The following ZNF365 variants were observed in gnomAD, a reference collection of about 807,000 sequenced individuals.
The protein encoded by ZNF365 is protein ZNF365.
Under a neutral mutation model 35.0 loss-of-function variants are expected in ZNF365, and 22 were observed. That is an observed-to-expected ratio of 0.63 (90% CI 0.45 to 0.90). ZNF365 has a LOEUF of 0.90. Ranked by LOEUF, ZNF365 falls within the 40% of genes least tolerant of loss-of-function variation. The pLI, the probability that ZNF365 is intolerant of heterozygous loss-of-function variation, is 0.00. For missense variants in ZNF365, 448 were observed against 500.3 expected (o/e 0.90, Z 1.00); for synonymous variants, 188 against 196.2 (o/e 0.96, Z 0.35).
At chr10:62,468,662 G>T (rs1414417205) in intron 4 of ZNF365, among the ~76,000 whole-genome samples, 1 of 152,198 alleles carries the variant, frequency 6.6e-6, no homozygotes, top group Non-Finnish European at 1.5e-5. Context: ...TAAGAAGGAT[G>T]AGATGATGTT....
chr10:62,442,372 T>C (rs970455841), intron 3 of ZNF365, among the ~76,000 whole-genome samples: 2 of 152,184 alleles, frequency 1.3e-5, no homozygotes, highest in Non-Finnish European at 2.9e-5. Flanking sequence ...TTCCATACAT[T>C]GACTCACAAC....
Position 62,399,880 on chromosome 10 carries a change from A to G in ZNF365, c.*91A>G. On this transcript the variant is annotated 3_prime_UTR_variant, in exon 5 of 5. Coordinates refer to ENST00000395254, the MANE Select transcript of ZNF365 (RefSeq NM_014951.3). ...TAATGTCTTTCTGGAAACATTCCAT[A>G]GTAAGACACATTGGAAAAGCCAAGG... is the stretch of plus-strand genomic sequence containing the variant. 6 of 1,466,624 alleles carry G rather than the reference A, an allele frequency of 4.1e-6. No individual in the cohort carries two copies. The highest frequency in any genetic ancestry group is 4.5e-6 in the Non-Finnish European group (5 of 1,108,244). The allele number at this position is 1,466,624 out of a possible 1,614,324, so 90.9% of individuals were successfully genotyped here. A position where few individuals can be genotyped will look rare whatever the true frequency, so the allele number is the denominator to read the frequency against.
rs115320849 is a variant in ZNF365 at position 62,379,319 on chromosome 10, C to T, written c.743+2383C>T. Among the ~76,000 whole-genome samples, 512 of 152,112 alleles carry T rather than the reference C, an allele frequency of 3.4e-3. 5 individuals carry two copies. The highest frequency in any genetic ancestry group is 0.012 in the African/African-American group (483 of 41,474). On this transcript the variant is annotated intron_variant, in intron 2 of 4. Transcript: ENST00000395254. ...GATTATAGTTGTAAGCCACGGTACC[C>T]AGCCACAAGGTGATTTTTGTATGTC... is the stretch of plus-strand genomic sequence containing the variant.
chr10:62,452,055 G>T (rs901160929), intron 3 of ZNF365, among the ~76,000 whole-genome samples: 1 of 152,236 alleles, frequency 6.6e-6, no homozygotes, highest in East Asian at 1.9e-4. Context: ...GAATTTCGGG[G>T]AAGTTGTGAT....
rs935650989 is a variant in ZNF365, at chr10:62,449,854, C to A, written c.925-9887C>A. 5.4e-5 allele frequency among the ~76,000 whole-genome samples: 8 copies of A among 148,810 alleles called. No homozygotes were observed. In the South Asian group the frequency reaches 1.5e-3, roughly 27 times the overall value. ...TGTAGAACATTTGAACTGTACTGTACATTTGAACAATAAATCTTGACTGAC... is the reference window on the plus strand; with the variant it reads ...TGTAGAACATTTGAACTGTACTGTAAATTTGAACAATAAATCTTGACTGAC... On this transcript the variant is annotated intron_variant, in intron 3 of 4. Transcript: ENST00000395255.
Position 62,398,904 on chromosome 10 carries a change from A to T in ZNF365, c.962+127A>T, listed in dbSNP as rs1839776475. 9 of 905,592 alleles carry T rather than the reference A, an allele frequency of 9.9e-6. No homozygotes were observed. In the South Asian group the frequency reaches 1.3e-4, roughly 13 times the overall value. The allele number at this position is 905,592 out of a possible 1,614,324, so 56.1% of individuals were successfully genotyped here. ...TATTATAAATGGCTTTGGGAGGCTT[A>T]AGTGAAAACTGACCTGCATGTGTAT... On this transcript the variant is annotated intron_variant, in intron 4 of 4. Coordinates refer to ENST00000395254, the MANE Select transcript of ZNF365 (RefSeq NM_014951.3).
intron 4 of ZNF365, among the ~76,000 whole-genome samples, chr10:62,477,406 A>C (rs1046735462): frequency 4.6e-5 from 7 of 152,246 alleles, no homozygotes; most frequent in Non-Finnish European, 7.3e-5. Flanking sequence ...TAAGAAAATC[A>C]GTTCAACTAT....
At chr10:62,420,730 T>C (rs1317680735) in intron 3 of ZNF365, among the ~76,000 whole-genome samples, 6 of 152,112 alleles carry the variant, frequency 3.9e-5, no homozygotes, top group Admixed American at 3.3e-4. Context: ...ATTCCACTGG[T>C]TTTGTATGCA....
intron 4 of ZNF365, 38 bp downstream of exon 4, chr10:62,398,815 G>A (rs1839774709): frequency 6.3e-7 from 1 of 1,575,180 alleles, no homozygotes; most frequent in African/African-American, 1.4e-5. Context: ...ATTTGATAAT[G>A]TTTGTATTGT....
Position 62,468,690 on chromosome 10 carries a change from C to T in ZNF365, c.981+8893C>T, listed in dbSNP as rs188713849. Among the ~76,000 whole-genome samples, 242 of 152,254 alleles carry T rather than the reference C, an allele frequency of 1.6e-3. 1 individual carries two copies. Among genetic ancestry groups the T allele is most frequent in the African/African-American group, 5.4e-3 (224 of 41,542 alleles). On this transcript the variant is annotated intron_variant, in intron 4 of 4. Transcript: ENST00000395255. ...ATGATGTTGAAGATGAAGCCTTCAG[C>T]GGCAGACCATCCACATCAATTTGTG...
At chr10:62,449,550 AGT>A (rs1840644688) in intron 3 of ZNF365, among the ~76,000 whole-genome samples, 1 of 152,194 alleles carries the variant, frequency 6.6e-6, no homozygotes, top group Non-Finnish European at 1.5e-5. Context: ...GTTTATTATG[AGT>A]GTATTTTTCT....
In ZNF365 at chr10:62,426,073, G is replaced by A. The variant is rs561887361; in HGVS notation, c.925-33668G>A. On this transcript the variant is annotated intron_variant, in intron 3 of 4. Coordinates refer to the ZNF365 transcript ENST00000395255. Reference sequence around the variant, plus strand: ...CCTATATGTTAAAGCCTATACTAGCGGTTTTATTTTTAGAACTCCAGAACC... The same window carrying A: ...CCTATATGTTAAAGCCTATACTAGCAGTTTTATTTTTAGAACTCCAGAACC... 5.3e-5 allele frequency among the ~76,000 whole-genome samples: 8 copies of A among 152,004 alleles called. No homozygotes were observed. In the East Asian group the frequency reaches 7.7e-4, roughly 15 times the overall value.
chr10:62,449,533 G>T (rs182674119), intron 3 of ZNF365, among the ~76,000 whole-genome samples: 1 of 152,142 alleles, frequency 6.6e-6, no homozygotes, highest in Non-Finnish European at 1.5e-5. Flanking sequence ...ATAAAGCTAT[G>T]GGGTGGGTTT....
Position 62,400,992 on chromosome 10 carries a change from C to T in ZNF365, c.*1203C>T. 1.0e-6 allele frequency: 1 copy of T among 985,468 alleles called. No individual in the cohort carries two copies. Among genetic ancestry groups the T allele is most frequent in the South Asian group, 4.7e-5 (1 of 21,288 alleles). 61.0% of individuals were successfully genotyped at this position (985,468 alleles called of 1,614,324 possible). On this transcript the variant is annotated 3_prime_UTR_variant, in exon 5 of 5. Transcript: ENST00000395254. ...TTCCACAAAGAGCTGTTAAGAATTT[C>T]CTGCTGTATGATTTTCCTCAAGAAT...
At chr10:62,411,023 A>G (rs1280175622) in intron 3 of ZNF365, among the ~76,000 whole-genome samples, 1 of 152,118 alleles carries the variant, frequency 6.6e-6, no homozygotes, top group Non-Finnish European at 1.5e-5. Flanking sequence ...TTCTCTAATG[A>G]TCAGTGATGT....
rs147174290 is a variant in ZNF365 at position 62,442,488 on chromosome 10, G to A, written c.925-17253G>A. 3.9e-5 allele frequency among the ~76,000 whole-genome samples: 6 copies of A among 152,304 alleles called. No homozygotes were observed. The East Asian group carries it at 1.2e-3, about 29-fold the overall frequency. Reference sequence around the variant, plus strand: ...CTTGGTGGTGGGTGGGGTGGAGGGAGATACTCACAGGCTTACGTTACAATT... The same window carrying A: ...CTTGGTGGTGGGTGGGGTGGAGGGAAATACTCACAGGCTTACGTTACAATT... On this transcript the variant is annotated intron_variant, in intron 3 of 4. Coordinates refer to the ZNF365 transcript ENST00000395255.
intron 2 of ZNF365, among the ~76,000 whole-genome samples, chr10:62,378,701 A>G (rs1839377523): frequency 6.6e-6 from 1 of 152,230 alleles, no homozygotes; most frequent in Admixed American, 6.5e-5. Flanking sequence ...GTGTGCCTGC[A>G]ATCGTACACA....
At chr10:62,457,502 C>T (rs750126528) in intron 3 of ZNF365, among the ~76,000 whole-genome samples, 4 of 152,174 alleles carry the variant, frequency 2.6e-5, no homozygotes, top group Non-Finnish European at 5.9e-5. Flanking sequence ...GGAAGGCTTA[C>T]TTCAAATGAA....
At chr10:62,425,481 T>C (rs1032046115) in intron 3 of ZNF365, among the ~76,000 whole-genome samples, 1 of 152,178 alleles carries the variant, frequency 6.6e-6, no homozygotes, top group African/African-American at 2.4e-5. Context: ...AGAGCAAATA[T>C]GCATATGAAC....
Sources: gnomAD v4.1 joint callset for allele counts (sites outside exome capture counted in the v4.1 genomes callset) on GRCh38, gnomAD v4.1.1 for gene constraint, MANE v1.5 for transcripts, NCBI Gene and HGNC (gene_info 2026-07-23, HGNC 2026-07-21) for gene names.